Variants in KIF14 observed in about 807,000 individuals in gnomAD.
KIF14 encodes the protein kinesin family member 14.
In KIF14, 98 loss-of-function variants were observed where a neutral mutation model predicts 176.2. The observed-to-expected ratio is 0.56, with a 90% confidence interval of 0.47 to 0.66. KIF14 has a LOEUF of 0.66. KIF14 is among the 30% of genes least tolerant of loss of function. KIF14 has a pLI of 0.00. For synonymous variants in KIF14, 566 were observed against 632.2 expected, an observed-to-expected ratio of 0.90 and a Z score of 1.57; for missense variants, 1,751 against 1,920.4, an observed-to-expected ratio of 0.91 and a Z score of 1.65.
At chr1:200,566,517 C>A (rs527688302) in intron 23 of KIF14, among the ~76,000 whole-genome samples, 7 of 151,184 alleles carry the variant, frequency 4.6e-5, no homozygotes, top group Admixed American at 3.9e-4. Flanking sequence ...TGCTTGAAGC[C>A]AGGAGGCGGA....
chr1:200,603,723 AT>A, intron 9 of KIF14, 115 bp downstream of exon 9: 1 of 667,920 alleles, frequency 1.5e-6, no homozygotes, highest in Non-Finnish European at 2.7e-6. Context: ...AATGCAGTCT[AT>A]AAACTGCAGA....
chr1:200,555,324 C>A, intron 28 of KIF14, 56 bp downstream of exon 28: 1 of 1,100,116 alleles, frequency 9.1e-7, no homozygotes, highest in African/African-American at 1.6e-5. Context: ...TACATTTGAA[C>A]CAAGTGAAAT....
chr1:200,558,834 T>C (rs1284345638), intron 27 of KIF14, among the ~76,000 whole-genome samples: 1 of 152,194 alleles, frequency 6.6e-6, no homozygotes, highest in South Asian at 2.1e-4. Flanking sequence ...TACTAAGTAA[T>C]GTTAGCTGGA....
In KIF14 at chr1:200,569,963, T is replaced by C. The variant is rs1657686700; in HGVS notation, c.3609A>G (p.Leu1203=). Residue 1203 remains leucine (L), a synonymous_variant, in exon 23 of 30, where the codon TTA becomes TTG. Coordinates refer to ENST00000367350, the MANE Select transcript of KIF14 (RefSeq NM_014875.3). The part of the protein sequence containing the change: ...LMKNRRISGC[L]HDIQVHPIKN... The stretch of plus-strand genomic sequence containing the variant: ...TAATTGGATGGACTTGTATGTCATG[T>C]AAACAACCAGAAATTCTTCTGTTCT... The C allele has an allele frequency of 1.2e-6, 2 of 1,605,828 alleles. No individual in the cohort carries two copies. Among genetic ancestry groups the C allele is most frequent in the South Asian group, 2.2e-5 (2 of 89,818 alleles).
intron 17 of KIF14, among the ~76,000 whole-genome samples, chr1:200,589,617 T>G (rs1658941333): frequency 6.6e-6 from 1 of 151,688 alleles, no homozygotes. Flanking sequence ...GGACAGAAGT[T>G]TCTCTTTATT....
intron 8 of KIF14, among the ~76,000 whole-genome samples, chr1:200,604,537 T>G (rs1478475863): frequency 6.6e-6 from 1 of 151,950 alleles, no homozygotes; most frequent in Non-Finnish European, 1.5e-5. Flanking sequence ...TAACAATAAA[T>G]AAAGAAAAAG....
At chr1:200,573,932 G>A (rs550206659) in intron 22 of KIF14, among the ~76,000 whole-genome samples, 2 of 152,306 alleles carry the variant, frequency 1.3e-5, no homozygotes, top group African/African-American at 4.8e-5. Flanking sequence ...ACAATGGAGA[G>A]GCGATACGGC....
chr1:200,556,515 T>C (rs1656836617), intron 27 of KIF14, among the ~76,000 whole-genome samples: 1 of 152,174 alleles, frequency 6.6e-6, no homozygotes, highest in Admixed American at 6.5e-5. Flanking sequence ...AGGTTTGTCA[T>C]ACTATAGAAA....
rs1171208484 is a variant in KIF14 at position 200,615,380 on chromosome 1, G to A, written c.1342C>T (p.Gln448Ter). 6.2e-7 allele frequency: 1 copy of A among 1,613,610 alleles called. No homozygotes were observed. Among genetic ancestry groups the A allele is most frequent in the Non-Finnish European group, 8.5e-7 (1 of 1,179,766 alleles). Residue 448 changes from glutamine (Q) to a stop codon, truncating the protein, a stop_gained, in exon 3 of 30, where the codon CAG becomes TAG. Coordinates refer to ENST00000367350, the MANE Select transcript of KIF14 (RefSeq NM_014875.3). LOFTEE classifies it high-confidence loss of function. ...GTATATGATTTTCCAGAGCCAGTCTGACCATAAGCAAAAAGACAGGTATTG... is the reference window on the plus strand; with the variant it reads ...GTATATGATTTTCCAGAGCCAGTCTAACCATAAGCAAAAAGACAGGTATTG... ...GFNTCLFAYG[Q>*]TGSGKSYTMM... is the part of the protein sequence containing the mutation.
intron 19 of KIF14, among the ~76,000 whole-genome samples, chr1:200,581,895 A>C (rs912186197): frequency 6.6e-6 from 1 of 151,088 alleles, no homozygotes; most frequent in Non-Finnish European, 1.5e-5. Context: ...TCAGCCTTCC[A>C]AGTAGCTGGA....
intron 23 of KIF14, among the ~76,000 whole-genome samples, chr1:200,567,709 T>C (rs1657548086): frequency 6.6e-6 from 1 of 152,126 alleles, no homozygotes; most frequent in Non-Finnish European, 1.5e-5. Flanking sequence ...ATAATTATTC[T>C]TATTTAATAG....
intron 20 of KIF14, 127 bp from the exon 21 acceptor site, chr1:200,580,510 G>A (rs1658384886): frequency 4.8e-6 from 2 of 419,842 alleles, no homozygotes; most frequent in Non-Finnish European, 7.9e-6. Context: ...CCACAGTTAA[G>A]TATTTTTATT....
intron 16 of KIF14, 42 bp downstream of exon 16, chr1:200,592,036 ATC>A (rs1659079491): frequency 6.9e-7 from 1 of 1,458,018 alleles, no homozygotes; most frequent in South Asian, 1.2e-5. Flanking sequence ...TCTGTTGTAG[ATC>A]TCTCTCATAC....
At chr1:200,579,512 G>T (rs1658326228) in intron 21 of KIF14, among the ~76,000 whole-genome samples, 1 of 152,022 alleles carries the variant, frequency 6.6e-6, no homozygotes, top group Admixed American at 6.6e-5. Context: ...AGGAGGCTGA[G>T]GCAAGAGAAT....
At chr1:200,618,959 G>T (rs1220172312) in intron 1 of KIF14, 121 bp from the exon 2 acceptor site, 1 of 385,096 alleles carries the variant, frequency 2.6e-6, no homozygotes. Context: ...ATCACAATCT[G>T]CAGCTCAGAT....
chr1:200,579,835 T>C (rs764477519), intron 21 of KIF14, among the ~76,000 whole-genome samples: 3 of 152,092 alleles, frequency 2.0e-5, no homozygotes, highest in Non-Finnish European at 1.5e-5. Flanking sequence ...TTGGAAGCAC[T>C]CAAAGCACAG....
At chr1:200,601,131 C>T (rs775302130) in intron 11 of KIF14, among the ~76,000 whole-genome samples, 3 of 152,132 alleles carry the variant, frequency 2.0e-5, no homozygotes, top group African/African-American at 2.4e-5. Flanking sequence ...AGTCCGCCTG[C>T]GTTAGCCTCT....
intron 18 of KIF14, among the ~76,000 whole-genome samples, chr1:200,588,243 GT>G (rs559935219): frequency 0.017 from 1,811 of 109,346 alleles, 36 homozygotes; most frequent in African/African-American, 0.085. Context: ...TTGTTTGTTT[GT>G]TTTGTTTTTT....
chr1:200,586,295 T>C (rs1571513033), intron 18 of KIF14, 68 bp from the exon 19 acceptor site: 7 of 1,319,562 alleles, frequency 5.3e-6, no homozygotes, highest in South Asian at 1.7e-5. Context: ...TAACACCACA[T>C]TGAGATGATG....
Sources: allele counts gnomAD v4.1 joint callset (sites outside exome capture counted in the v4.1 genomes callset), GRCh38; gene constraint gnomAD v4.1.1; transcripts MANE v1.5; gene names NCBI Gene and HGNC (gene_info 2026-07-23, HGNC 2026-07-21).